The following GRID1 variants were observed in gnomAD, a reference collection of about 807,000 sequenced individuals.
GRID1 encodes glutamate ionotropic receptor delta type subunit 1, also known as glutamate receptor ionotropic, delta-1.
A neutral mutation model predicts 98.0 loss-of-function variants in GRID1; 28 were observed. That is an observed-to-expected ratio of 0.29 (90% confidence interval 0.21 to 0.39). The LOEUF is 0.39. GRID1 is among the 10% of genes least tolerant of loss of function. The pLI is 1.00. For synonymous variants in GRID1, 553 were observed against 538.5 expected (o/e 1.03, Z -0.37); for missense variants, 1,111 against 1,340.5 (o/e 0.83, Z 2.67).
At chr10:86,027,115 TACATG>T (rs1422646913) in intron 4 of GRID1, among the ~76,000 whole-genome samples, 1 of 152,218 alleles carries the variant, frequency 6.6e-6, no homozygotes, top group Admixed American at 6.5e-5. Flanking sequence ...TGGGAAAATA[TACATG>T]ACATAAAATC....
chr10:86,214,229 TG>T (rs1250069449), intron 2 of GRID1, among the ~76,000 whole-genome samples: 5 of 152,192 alleles, frequency 3.3e-5, no homozygotes, highest in Non-Finnish European at 7.3e-5. Flanking sequence ...CCACACCCTA[TG>T]CCCTGCGTTC....
At chr10:85,721,053 T>C (rs1841696014) in intron 12 of GRID1, among the ~76,000 whole-genome samples, 1 of 152,156 alleles carries the variant, frequency 6.6e-6, no homozygotes. Flanking sequence ...AGATATTTTA[T>C]TGAAGGGGAT....
intron 2 of GRID1, among the ~76,000 whole-genome samples, chr10:86,211,643 G>A (rs986893706): frequency 6.6e-6 from 1 of 151,954 alleles, no homozygotes; most frequent in Non-Finnish European, 1.5e-5. Context: ...GTGAGGTACT[G>A]GCCACTTCAC....
intron 4 of GRID1, among the ~76,000 whole-genome samples, chr10:85,932,887 T>C (rs1290348982): frequency 6.6e-6 from 1 of 152,050 alleles, no homozygotes; most frequent in Admixed American, 6.6e-5. Context: ...AAAAGGAATA[T>C]CGATTTTCTG....
intron 2 of GRID1, among the ~76,000 whole-genome samples, chr10:86,329,958 C>T (rs1455951472): frequency 6.6e-6 from 1 of 152,208 alleles, no homozygotes; most frequent in Non-Finnish European, 1.5e-5. Context: ...GCTCCTGTGC[C>T]ACTTCCCACA....
chr10:85,964,805 C>T (rs911779203), intron 4 of GRID1, among the ~76,000 whole-genome samples: 1 of 152,138 alleles, frequency 6.6e-6, no homozygotes, highest in African/African-American at 2.4e-5. Context: ...TCTCATTAAA[C>T]TAAAGAGCTT....
At chr10:86,138,410 T>C (rs2131971617) in intron 4 of GRID1, among the ~76,000 whole-genome samples, 1 of 152,104 alleles carries the variant, frequency 6.6e-6, no homozygotes, top group African/African-American at 2.4e-5. Flanking sequence ...CTCCAGGTGC[T>C]AAGAAATCCC....
At chr10:85,751,560 C>T (rs1050545652) in intron 8 of GRID1, among the ~76,000 whole-genome samples, 2 of 152,088 alleles carry the variant, frequency 1.3e-5, no homozygotes, top group African/African-American at 2.4e-5. Context: ...AGCCTCAGGA[C>T]CAAAACTTAG....
At chr10:85,964,216 T>C (rs922624869) in intron 4 of GRID1, among the ~76,000 whole-genome samples, 1 of 152,342 alleles carries the variant, frequency 6.6e-6, no homozygotes, top group South Asian at 2.1e-4. Flanking sequence ...CTGCCCAAAG[T>C]AATTTATGGA....
intron 4 of GRID1, among the ~76,000 whole-genome samples, chr10:86,122,176 T>A (rs748660831): frequency 1.3e-5 from 2 of 152,214 alleles, no homozygotes; most frequent in Non-Finnish European, 2.9e-5. Flanking sequence ...TACCACAGCC[T>A]TGGGAGTAAG....
chr10:85,872,157 C>G (rs1843284480), intron 5 of GRID1, among the ~76,000 whole-genome samples: 1 of 151,934 alleles, frequency 6.6e-6, no homozygotes, highest in African/African-American at 2.4e-5. Context: ...ACACAGGATA[C>G]AGAATAAGAG....
chr10:86,325,995 A>C (rs902417195), intron 2 of GRID1, among the ~76,000 whole-genome samples: 1 of 152,410 alleles, frequency 6.6e-6, no homozygotes, highest in Non-Finnish European at 1.5e-5. Flanking sequence ...CAAGAGAATT[A>C]ACTAATAAAC....
intron 2 of GRID1, among the ~76,000 whole-genome samples, chr10:86,332,639 C>T (rs566458100): frequency 1.2e-4 from 19 of 152,284 alleles, no homozygotes; most frequent in African/African-American, 4.3e-4. Context: ...CCCTCTGGGG[C>T]TTCCTTCCCT....
intron 12 of GRID1, among the ~76,000 whole-genome samples, chr10:85,708,029 A>G (rs1219445957): frequency 6.6e-6 from 1 of 151,644 alleles, no homozygotes; most frequent in Admixed American, 6.6e-5. Context: ...CGAGTTAATG[A>G]GTGCAGCACA....
intron 3 of GRID1, among the ~76,000 whole-genome samples, chr10:86,199,197 A>T (rs1297356923): frequency 6.6e-6 from 1 of 152,068 alleles, no homozygotes; most frequent in Non-Finnish European, 1.5e-5. Context: ...TCAGATACAC[A>T]CACATAGAAG....
chr10:86,163,717 C>T (rs1186896534), intron 3 of GRID1, among the ~76,000 whole-genome samples: 3 of 152,200 alleles, frequency 2.0e-5, no homozygotes, highest in Non-Finnish European at 4.4e-5. Context: ...AGCAGGGACT[C>T]TGTGTGGGAG....
At chr10:85,659,926 C>A (rs1195397312) in intron 12 of GRID1, among the ~76,000 whole-genome samples, 4 of 152,200 alleles carry the variant, frequency 2.6e-5, no homozygotes, top group African/African-American at 9.7e-5. Flanking sequence ...GCTTGTTGAG[C>A]TGTTGATGCT....
chr10:85,780,791 T>C (rs547288503), intron 8 of GRID1, among the ~76,000 whole-genome samples: 68 of 152,362 alleles, frequency 4.5e-4, no homozygotes, highest in Non-Finnish European at 8.8e-4. Context: ...TGCTTAATCA[T>C]GGAAGTCAAG....
chr10:85,910,567 G>A (rs1447283561), intron 5 of GRID1, among the ~76,000 whole-genome samples: 1 of 152,154 alleles, frequency 6.6e-6, no homozygotes, highest in Non-Finnish European at 1.5e-5. Context: ...ATAAGATGGG[G>A]GCTGGGGCCT....
Sources: gnomAD v4.1 joint callset for allele counts (sites outside exome capture counted in the v4.1 genomes callset) on GRCh38, gnomAD v4.1.1 for gene constraint, MANE v1.5 for transcripts, NCBI Gene and HGNC (gene_info 2026-07-23, HGNC 2026-07-21) for gene names.